Variants in NHSL1 observed in about 807,000 individuals in gnomAD.
NHSL1 encodes the protein NHS-like protein 1.
Under a neutral mutation model 95.0 loss-of-function variants are expected in NHSL1, and 48 were observed. That is an observed-to-expected ratio of 0.51 (90% CI 0.40 to 0.64). The LOEUF (loss-of-function observed/expected upper bound fraction) is 0.64. NHSL1 is among the 30% of genes least tolerant of loss of function. The pLI, the probability that NHSL1 is intolerant of heterozygous loss-of-function variation, is 0.00. For missense variants in NHSL1, 1,971 were observed against 2,077.7 expected (o/e 0.95, Z 1.00); for synonymous variants, 783 against 833.9 (o/e 0.94, Z 1.05).
At chr6:138,689,034 G>C (rs1785625155) in intron 1 of NHSL1, among the ~76,000 whole-genome samples, 1 of 152,176 alleles carries the variant, frequency 6.6e-6, no homozygotes, top group African/African-American at 2.4e-5. Context: ...GGCCAGGCTA[G>C]TCTTGAGCTC....
chr6:138,528,236 T>A (rs1222762331), intron 1 of NHSL1, among the ~76,000 whole-genome samples: 2 of 152,060 alleles, frequency 1.3e-5, no homozygotes, highest in Admixed American at 1.3e-4. Flanking sequence ...TTCCTAATAC[T>A]CAGGGAATAG....
chr6:138,430,057 C>T lies in NHSL1; in HGVS notation c.3953-214G>A, dbSNP rs1449606197. Reference sequence around the variant, plus strand: ...ATTCTTTGTTAAAGTATGGAACGCCCATGGCATCTCTCTTAAATTTTGTTG... The same window carrying T: ...ATTCTTTGTTAAAGTATGGAACGCCTATGGCATCTCTCTTAAATTTTGTTG... On this transcript the variant is annotated intron_variant, in intron 6 of 7. Transcript: ENST00000343505. The surrounding 1 kb of genome is among the most constrained non-coding windows in gnomAD (Gnocchi z 4.7). Among the ~76,000 whole-genome samples, 1 of 152,216 alleles carries T rather than the reference C, an allele frequency of 6.6e-6. No homozygotes were observed. Among genetic ancestry groups the T allele is most frequent in the Non-Finnish European group, 1.5e-5 (1 of 68,030 alleles).
In NHSL1 at chr6:138,433,534, C is replaced by T. The variant is rs1215504416; in HGVS notation, c.811G>A (p.Val271Ile). Residue 271 changes from valine (V) to isoleucine (I), a missense_variant, in exon 6 of 8, where the codon GTC becomes ATC. By Grantham distance (29) the Val-to-Ile change is conservative (BLOSUM62 3). Around this residue, in one of 3 missense-constraint regions of NHSL1, gnomAD observed 1,602 missense variants for 1,654.5 expected, o/e 0.97. Transcript: ENST00000343505. ...DSSCQTEDVK[V>I]VPPSMRRIRA... ...ATTCTCCTCATGGAAGGTGGTACGA[C>T]CTTCACATCCTCCGTCTGACAGCTG... 3.2e-6 allele frequency: 5 copies of T among 1,551,976 alleles called. No individual in the cohort carries two copies. The highest frequency in any genetic ancestry group is 4.4e-6 in the Non-Finnish European group (5 of 1,147,068).
rs759513963 is a variant in NHSL1 at position 138,432,095 on chromosome 6, G to A, written c.2250C>T (p.Ser750=). The change falls in exon 6 of 8, where the codon TCC becomes TCT. Residue 750 remains serine, a synonymous_variant. Transcript: ENST00000343505. The surrounding 1 kb of genome is among the most constrained non-coding windows in gnomAD (Gnocchi z 4.4). ...GGGAGTAGACATTGGGGGTGGTGGC[G>A]GAAGTCATGCTGCTGCCAGCACTAA... The part of the protein sequence containing the change: ...STVSAGSSMT[S]ATTPNVYSLC... 8.6e-5 allele frequency: 133 copies of A among 1,551,540 alleles called. No individual in the cohort carries two copies. The highest frequency in any genetic ancestry group is 1.0e-4 in the Non-Finnish European group (119 of 1,146,924).
intron 1 of NHSL1, among the ~76,000 whole-genome samples, chr6:138,660,712 T>C (rs973216494): frequency 6.6e-6 from 1 of 151,914 alleles, no homozygotes; most frequent in African/African-American, 2.4e-5. Context: ...TCCCAGCATT[T>C]TGGGAGGCCC....
intron 4 of NHSL1, among the ~76,000 whole-genome samples, chr6:138,444,074 T>C (rs1016468061): frequency 2.5e-4 from 38 of 152,194 alleles, no homozygotes; most frequent in African/African-American, 8.9e-4. Flanking sequence ...GCATCCCCTA[T>C]GGCACTCAGC....
At chr6:138,520,907 T>G (rs1424412309) in intron 1 of NHSL1, among the ~76,000 whole-genome samples, 2 of 152,156 alleles carry the variant, frequency 1.3e-5, no homozygotes, top group Non-Finnish European at 2.9e-5. Context: ...GGATATAATT[T>G]GGAGGTAGAT....
rs75124545 is a variant in NHSL1 at position 138,444,574 on chromosome 6, G to A, written c.532+2427C>T. Among the ~76,000 whole-genome samples, 1,308 of 148,554 alleles carry A rather than the reference G, an allele frequency of 8.8e-3. 24 individuals carry two copies. Among genetic ancestry groups the A allele is most frequent in the African/African-American group, 0.031 (1,245 of 39,878 alleles). ...TGGGCTGCACTCTGGATTTGAAATC[G>A]CCATTTTTTTTTTTTTTTTCCTGCT... is the stretch of plus-strand genomic sequence containing the variant. On this transcript the variant is annotated intron_variant, in intron 4 of 7. Coordinates refer to ENST00000343505, the MANE Select transcript of NHSL1 (RefSeq NM_001144060.2).
chr6:138,489,982 G>A (rs1361545004), intron 2 of NHSL1, among the ~76,000 whole-genome samples: 2 of 128,442 alleles, frequency 1.6e-5, no homozygotes, highest in African/African-American at 3.1e-5. Context: ...GAGGGGGAGA[G>A]GGGGAGAGAG....
chr6:138,481,327 G>T (rs1309550593), intron 2 of NHSL1, among the ~76,000 whole-genome samples: 1 of 152,116 alleles, frequency 6.6e-6, no homozygotes, highest in Non-Finnish European at 1.5e-5. Flanking sequence ...AATTTGTTGG[G>T]CTTGGCAATA....
upstream of NHSL1, among the ~76,000 whole-genome samples, chr6:138,550,385 T>C (rs1413531007): frequency 1.3e-5 from 2 of 152,230 alleles, no homozygotes; most frequent in East Asian, 1.9e-4. Context: ...CCATTGATCA[T>C]TGCTACTGAG....
At chr6:138,427,877 C>T (rs76063979) in intron 7 of NHSL1, among the ~76,000 whole-genome samples, 30 of 152,312 alleles carry the variant, frequency 2.0e-4, no homozygotes, top group African/African-American at 6.0e-4. Context: ...TTATTCTCAA[C>T]GCTACAACAG....
chr6:138,522,472 T>C (rs1438650785), intron 1 of NHSL1, among the ~76,000 whole-genome samples: 1 of 152,166 alleles, frequency 6.6e-6, no homozygotes, highest in African/African-American at 2.4e-5. Context: ...TGAAACCCCA[T>C]CTCTACTAAA....
intron 1 of NHSL1, among the ~76,000 whole-genome samples, chr6:138,530,290 G>A (rs1022533131): frequency 3.3e-5 from 5 of 152,160 alleles, no homozygotes; most frequent in African/African-American, 9.7e-5. Flanking sequence ...ATGTTGGCAG[G>A]GATGTGGTGA....
intron 1 of NHSL1, among the ~76,000 whole-genome samples, chr6:138,691,297 G>A (rs764902333): frequency 6.6e-6 from 1 of 152,032 alleles, no homozygotes; most frequent in Non-Finnish European, 1.5e-5. Flanking sequence ...ATGTGTTGAC[G>A]GCACAATCAA....
intron 3 of NHSL1, 64 bp downstream of exon 3, chr6:138,473,242 C>T (rs1778863131): frequency 7.7e-7 from 1 of 1,294,598 alleles, no homozygotes; most frequent in Non-Finnish European, 1.0e-6. Flanking sequence ...CCAGTTTGTC[C>T]ACATATATCC....
rs147227001 is a variant in NHSL1, at chr6:138,624,959, T to G, written c.96+67517A>C. Among the ~76,000 whole-genome samples the G allele has an allele frequency of 2.6e-3, 403 of 152,324 alleles. 1 individual carries two copies. Among genetic ancestry groups the G allele is most frequent in the African/African-American group, 8.9e-3 (371 of 41,582 alleles). ...AGGCCAGAATTGATGATTAAAGAAC[T>G]CTTTTAGTTTATATATACAAAATAT... On this transcript the variant is annotated intron_variant, in intron 1 of 3. Coordinates refer to the NHSL1 transcript ENST00000491526.
At chr6:138,552,896 G>T (rs190115045) in intron 1 of NHSL1, among the ~76,000 whole-genome samples, 1 of 152,296 alleles carries the variant, frequency 6.6e-6, no homozygotes, top group Admixed American at 6.5e-5. Context: ...ATCCAGCCCT[G>T]ATGTCGCTTC....
chr6:138,481,604 T>C (rs541860147), intron 2 of NHSL1, among the ~76,000 whole-genome samples: 13 of 152,216 alleles, frequency 8.5e-5, no homozygotes, highest in Admixed American at 2.0e-4. Context: ...GTGTATTTAA[T>C]ACAGATCTTT....
Sources: allele counts gnomAD v4.1 joint callset (sites outside exome capture counted in the v4.1 genomes callset), GRCh38; gene constraint gnomAD v4.1.1; regional missense constraint gnomAD v4.1.1; non-coding constraint Gnocchi (gnomAD v3.1); transcripts MANE v1.5; gene names NCBI Gene and HGNC (gene_info 2026-07-23, HGNC 2026-07-21).